Variants in KCNJ6 observed in about 807,000 individuals in gnomAD.
KCNJ6 encodes the protein G protein-activated inward rectifier potassium channel 2.
In KCNJ6, 9 loss-of-function variants were observed where a neutral mutation model predicts 34.2. The ratio of observed to expected loss-of-function variants is 0.26; its 90% CI spans 0.16 to 0.46. The LOEUF (loss-of-function observed/expected upper bound fraction) is 0.46. Ranked by LOEUF, KCNJ6 falls within the 20% of genes least tolerant of loss-of-function variation. The pLI is 1.00. For synonymous variants in KCNJ6, 196 were observed against 207.1 expected (o/e 0.95, Z 0.46); for missense variants, 236 against 531.3 (o/e 0.44, Z 5.46).
intron 3 of KCNJ6, among the ~76,000 whole-genome samples, chr21:37,662,426 G>A (rs557926693): frequency 7.2e-5 from 11 of 152,290 alleles, no homozygotes; most frequent in Admixed American, 2.6e-4. Context: ...CCATGTCCCT[G>A]CAAAGGACAT....
chr21:37,657,626 TG>T (rs900350121), intron 3 of KCNJ6, among the ~76,000 whole-genome samples: 1 of 152,184 alleles, frequency 6.6e-6, no homozygotes. Flanking sequence ...GGGACTCAGC[TG>T]GGATCGTTGG....
intron 2 of KCNJ6, 110 bp from the exon 3 acceptor site, chr21:37,715,241 G>T: frequency 1.1e-6 from 1 of 947,634 alleles, no homozygotes; most frequent in Non-Finnish European, 1.5e-6. Flanking sequence ...CATTTGTGTA[G>T]CTATAAACAA....
At chr21:37,662,165 G>A (rs1471125974) in intron 3 of KCNJ6, among the ~76,000 whole-genome samples, 3 of 152,090 alleles carry the variant, frequency 2.0e-5, no homozygotes, top group African/African-American at 7.2e-5. Context: ...AGGTAAATGT[G>A]TGCCATGGTG....
At chr21:37,669,220 C>T (rs190723065) in intron 3 of KCNJ6, among the ~76,000 whole-genome samples, 1 of 152,212 alleles carries the variant, frequency 6.6e-6, no homozygotes, top group Admixed American at 6.5e-5. Context: ...GGCACCCCCC[C>T]ACCTTCCAGT....
chr21:37,886,841 T>C (rs900938846), intron 1 of KCNJ6, among the ~76,000 whole-genome samples: 1 of 152,144 alleles, frequency 6.6e-6, no homozygotes, highest in Admixed American at 6.5e-5. Context: ...CCCCAGCCCC[T>C]AGCAGTTTGC....
chr21:37,836,742 G>C lies in KCNJ6; in HGVS notation c.25+3916C>G, dbSNP rs1252785402. On this transcript the variant is annotated intron_variant, in intron 2 of 3. Transcript: ENST00000609713. ...CATAACATACCAGGGCCTGTCAGGG[G>C]TTGGGGGGCCAGAGGAGGGATAACA... 2.0e-5 allele frequency among the ~76,000 whole-genome samples: 3 copies of C among 152,140 alleles called. No individual in the cohort carries two copies. In the East Asian group the frequency reaches 5.8e-4, roughly 29 times the overall value.
chr21:37,633,927 T>TA (rs527442734), intron 3 of KCNJ6, among the ~76,000 whole-genome samples: 13,803 of 103,694 alleles, frequency 0.13, 787 homozygotes, highest in South Asian at 0.28. Context: ...ATTCTTAAAG[T>TA]CAAAAAAAAA....
intron 3 of KCNJ6, among the ~76,000 whole-genome samples, chr21:37,628,573 T>A (rs1481367904): frequency 6.6e-6 from 1 of 152,038 alleles, no homozygotes. Context: ...GTACGCATAA[T>A]AGGAGCTCCA....
chr21:37,723,835 G>A (rs2054839668), intron 2 of KCNJ6, among the ~76,000 whole-genome samples: 1 of 152,004 alleles, frequency 6.6e-6, no homozygotes, highest in Admixed American at 6.5e-5. Flanking sequence ...GTGACAGAAT[G>A]CTGTACTCCA....
intron 2 of KCNJ6, among the ~76,000 whole-genome samples, chr21:37,757,639 C>CAA (rs2055036937): frequency 2.1e-5 from 3 of 144,776 alleles, no homozygotes; most frequent in South Asian, 2.2e-4. Context: ...GATTCCAGCC[C>CAA]GGAGTGAGCT....
At chr21:37,821,254 C>T (rs930139403) in intron 2 of KCNJ6, among the ~76,000 whole-genome samples, 13 of 152,156 alleles carry the variant, frequency 8.5e-5, no homozygotes, top group Non-Finnish European at 1.2e-4. Flanking sequence ...TTAAAGTAAA[C>T]GTTACCTACA....
intron 2 of KCNJ6, among the ~76,000 whole-genome samples, chr21:37,762,126 A>G (rs2055068483): frequency 6.6e-6 from 1 of 152,126 alleles, no homozygotes; most frequent in African/African-American, 2.4e-5. Flanking sequence ...GAGCTACCTG[A>G]TGCTGGGGTC....
At chr21:37,894,899 T>G (rs536001733) in intron 1 of KCNJ6, among the ~76,000 whole-genome samples, 22 of 152,302 alleles carry the variant, frequency 1.4e-4, no homozygotes, top group African/African-American at 5.3e-4. Context: ...TCTAGAGATG[T>G]CCACTTTATT....
At chr21:37,875,845 T>C (rs1486858394) in intron 1 of KCNJ6, among the ~76,000 whole-genome samples, 6 of 152,164 alleles carry the variant, frequency 3.9e-5, no homozygotes, top group African/African-American at 1.2e-4. Context: ...CAGCCCCTCA[T>C]TTATTCTTTT....
intron 3 of KCNJ6, among the ~76,000 whole-genome samples, chr21:37,628,348 G>T (rs2054319932): frequency 6.6e-6 from 1 of 152,064 alleles, no homozygotes; most frequent in Admixed American, 6.6e-5. Flanking sequence ...ATAAAAATAA[G>T]TTACATGTAA....
At chr21:37,798,212 G>A (rs2055252541) in intron 2 of KCNJ6, among the ~76,000 whole-genome samples, 1 of 152,142 alleles carries the variant, frequency 6.6e-6, no homozygotes, top group African/African-American at 2.4e-5. Context: ...TGGTTGGTGG[G>A]TGGTTGAGGC....
At position 37,714,144 on chromosome 21, in the gene KCNJ6, A is replaced by T. The variant is rs1416449520; in HGVS notation, c.946+67T>A. On this transcript the variant is annotated intron_variant, in intron 3 of 3. Transcript: ENST00000609713. This position sits in a 1 kb window ranked among gnomAD's most constrained non-coding sequence, Gnocchi z 5.9. ...AGTATTCTAGATCTTGTAATAGATA[A>T]GAACATCAGGTCCAGTTTAAAATGA... 3.6e-6 allele frequency: 4 copies of T among 1,102,576 alleles called. No individual in the cohort carries two copies. The highest frequency in any genetic ancestry group is 5.4e-6 in the Non-Finnish European group (4 of 745,282). The allele number at this position is 1,102,576 out of a possible 1,614,324, so 68.3% of individuals were successfully genotyped here.
intron 2 of KCNJ6, among the ~76,000 whole-genome samples, chr21:37,736,049 T>A (rs2054911321): frequency 6.6e-6 from 1 of 152,124 alleles, no homozygotes; most frequent in Non-Finnish European, 1.5e-5. Context: ...GAGTCTATAG[T>A]AAAGTGCAGC....
chr21:37,736,469 G>GA (rs1332847180), intron 2 of KCNJ6, among the ~76,000 whole-genome samples: 1 of 152,204 alleles, frequency 6.6e-6, no homozygotes, highest in African/African-American at 2.4e-5. Context: ...AAATGCCTCT[G>GA]AAATGCACTC....
Sources: allele counts gnomAD v4.1 joint callset (sites outside exome capture counted in the v4.1 genomes callset), GRCh38; gene constraint gnomAD v4.1.1; non-coding constraint Gnocchi (gnomAD v3.1); transcripts MANE v1.5; gene names NCBI Gene and HGNC (gene_info 2026-07-23, HGNC 2026-07-21).